The following COL5A1 variants were observed in gnomAD, a reference collection of about 807,000 sequenced individuals.
The protein encoded by COL5A1 is collagen type V alpha 1 chain.
COL5A1 carries 16 observed loss-of-function variants against 263.7 expected under a neutral mutation model. The observed-to-expected ratio is 0.06, with a 90% CI of 0.04 to 0.09. The LOEUF (loss-of-function observed/expected upper bound fraction) is 0.09, where lower values mean the gene tolerates loss of function less well. Among genes scored for constraint, COL5A1 ranks in the 10% least tolerant of loss-of-function variants. The probability of loss-of-function intolerance (pLI) is 1.00; values close to 1 mark genes in which losing one functional copy is unlikely to be tolerated. For synonymous variants in COL5A1, 1,012 were observed against 1,004.5 expected (o/e 1.01, Z -0.14); for missense variants, 2,036 against 2,540.5 (o/e 0.80, Z 4.27).
At chr9:134,781,552 C>T (rs1158324982) in intron 28 of COL5A1, among the ~76,000 whole-genome samples, 4 of 152,216 alleles carry the variant, frequency 2.6e-5, no homozygotes. Flanking sequence ...GATCTTGTCA[C>T]GTTTGTCCCT....
chr9:134,683,860 C>T (rs1001259184), intron 1 of COL5A1, among the ~76,000 whole-genome samples: 2 of 152,220 alleles, frequency 1.3e-5, no homozygotes, highest in African/African-American at 4.8e-5. Context: ...AAGACCCGTT[C>T]CCCACTGGGG....
In COL5A1 at chr9:134,641,959, G is replaced by A. The variant is rs1021410122; in HGVS notation, c.-229G>A. On this transcript the variant is annotated 5_prime_UTR_variant, in exon 1 of 66. Coordinates refer to ENST00000371817, the MANE Select transcript of COL5A1 (RefSeq NM_000093.5). ...GGCGAGCTAGCCCAGCGGGGTCCCGGCCGCCCCGCGGGCCAAAGTCGAGCC... is the reference window on the plus strand; with the variant it reads ...GGCGAGCTAGCCCAGCGGGGTCCCGACCGCCCCGCGGGCCAAAGTCGAGCC... 1 of 394,804 alleles carries A rather than the reference G, an allele frequency of 2.5e-6. No individual in the cohort carries two copies. Among genetic ancestry groups the A allele is most frequent in the Non-Finnish European group, 4.4e-6 (1 of 224,780 alleles). 24.5% of individuals were successfully genotyped at this position (394,804 alleles called of 1,614,324 possible). A position where few individuals can be genotyped will look rare whatever the true frequency, so the allele number is the denominator to read the frequency against.
chr9:134,694,388 C>T (rs1274852012), intron 2 of COL5A1, among the ~76,000 whole-genome samples: 2 of 152,232 alleles, frequency 1.3e-5, no homozygotes, highest in African/African-American at 4.8e-5. Context: ...CACGAACTGG[C>T]AGAGTGATCT....
At chr9:134,828,375 C>T (rs1053828396) in intron 63 of COL5A1, among the ~76,000 whole-genome samples, 3 of 152,110 alleles carry the variant, frequency 2.0e-5, no homozygotes, top group African/African-American at 7.3e-5. Context: ...GCACATGATC[C>T]AGGCAGGCAG....
intron 50 of COL5A1, 68 bp downstream of exon 50, chr9:134,814,972 A>G (rs1838686051): frequency 8.8e-7 from 1 of 1,134,324 alleles, no homozygotes; most frequent in Non-Finnish European, 1.3e-6. Flanking sequence ...GATCATTCTG[A>G]CTCACTGGCG....
At chr9:134,698,692 G>C (rs910890768) in intron 2 of COL5A1, among the ~76,000 whole-genome samples, 1 of 152,234 alleles carries the variant, frequency 6.6e-6, no homozygotes, top group African/African-American at 2.4e-5. Flanking sequence ...CCACAATTTC[G>C]CCAGCAGAGG....
At chr9:134,657,131 C>T (rs180729243) in intron 1 of COL5A1, among the ~76,000 whole-genome samples, 35 of 258 alleles carry the variant, frequency 0.14, no homozygotes, top group South Asian at 0.25. Context: ...AATATGGGGG[C>T]AGGGTAGGGG....
At chr9:134,792,197 G>T (rs1291463043) in intron 32 of COL5A1, among the ~76,000 whole-genome samples, 1 of 152,212 alleles carries the variant, frequency 6.6e-6, no homozygotes, top group Non-Finnish European at 1.5e-5. Context: ...TGCTTTGGGG[G>T]AAGCTCTTTA....
At chr9:134,788,858 G>A (rs1326906363) in intron 31 of COL5A1, among the ~76,000 whole-genome samples, 2 of 125,802 alleles carry the variant, frequency 1.6e-5, no homozygotes, top group African/African-American at 6.0e-5. Context: ...ATGAGTGGGA[G>A]GATAGGTAGA....
chr9:134,661,031 G>A (rs533638167), intron 1 of COL5A1, among the ~76,000 whole-genome samples: 8 of 152,152 alleles, frequency 5.3e-5, no homozygotes, highest in African/African-American at 1.9e-4. Context: ...TTTAGGGGAG[G>A]ATGGAAGGTA....
At chr9:134,778,235 A>G (rs1837121254) in intron 27 of COL5A1, among the ~76,000 whole-genome samples, 1 of 152,218 alleles carries the variant, frequency 6.6e-6, no homozygotes, top group Admixed American at 6.5e-5. Flanking sequence ...CTGCTAGGAA[A>G]AAAACACCAC....
intron 19 of COL5A1, among the ~76,000 whole-genome samples, 176 bp from the exon 20 acceptor site, chr9:134,763,517 C>T (rs748570361): frequency 2.6e-5 from 4 of 152,242 alleles, no homozygotes; most frequent in Non-Finnish European, 4.4e-5. Context: ...GTCTGCACAC[C>T]TAGCAGCTTG....
chr9:134,708,937 G>A (rs1833938949), intron 4 of COL5A1: 1 of 456,496 alleles, frequency 2.2e-6, no homozygotes, highest in African/African-American at 2.0e-5. Context: ...CGTCGCCCCA[G>A]CTTCTGCCTC....
In COL5A1 at chr9:134,758,167, C is replaced by G. The variant is rs369399258; in HGVS notation, c.1882-76C>G. 1.5e-4 allele frequency: 225 copies of G among 1,495,444 alleles called. 1 individual carries two copies. The East Asian group carries it at 3.5e-3, about 23-fold the overall frequency. 92.6% of individuals were successfully genotyped at this position (1,495,444 alleles called of 1,614,324 possible). On this transcript the variant is annotated intron_variant, in intron 17 of 65. Coordinates refer to ENST00000371817, the MANE Select transcript of COL5A1 (RefSeq NM_000093.5). The surrounding 1 kb of genome is among the most constrained non-coding windows in gnomAD (Gnocchi z 4.1). ...ACGTGGTCCAAGGCGGGGCGGCCAT[C>G]ACTTGGTGGACACCAAGGCGGGGTG...
chr9:134,723,193 GCCAA>G (rs2132624535), intron 4 of COL5A1, among the ~76,000 whole-genome samples: 1 of 152,296 alleles, frequency 6.6e-6, no homozygotes, highest in African/African-American at 2.4e-5. Flanking sequence ...CCCGACGACC[GCCAA>G]CCCTCAGCTG....
intron 4 of COL5A1, among the ~76,000 whole-genome samples, chr9:134,703,316 T>TC (rs1381468895): frequency 6.6e-6 from 1 of 152,156 alleles, no homozygotes; most frequent in African/African-American, 2.4e-5. Context: ...ACAGGAGCCG[T>TC]CCTCAGCCAG....
rs753387175 is a variant in COL5A1 at position 134,755,433 on chromosome 9, G to A, written c.1827+1107G>A. 7.2e-5 allele frequency among the ~76,000 whole-genome samples: 11 copies of A among 152,198 alleles called. No individual in the cohort carries two copies. The highest frequency in any genetic ancestry group is 1.2e-4 in the African/African-American group (5 of 41,454). ...CATGGTGTCGGGGCCATGCATATGCGTGTGTTTTAAGGCATTAAGTATGCC... is the reference window on the plus strand; with the variant it reads ...CATGGTGTCGGGGCCATGCATATGCATGTGTTTTAAGGCATTAAGTATGCC... On this transcript the variant is annotated intron_variant, in intron 16 of 65. Coordinates refer to ENST00000371817, the MANE Select transcript of COL5A1 (RefSeq NM_000093.5). The surrounding 1 kb of genome is among the most constrained non-coding windows in gnomAD (Gnocchi z 4.1).
In COL5A1 at chr9:134,805,151, G is replaced by T. The variant is rs1838251693; in HGVS notation, c.3205-10G>T. 6.2e-7 allele frequency: 1 copy of T among 1,614,008 alleles called. No individual in the cohort carries two copies. The highest frequency in any genetic ancestry group is 1.7e-5 in the Admixed American group (1 of 60,028). On this transcript the variant is annotated splice_polypyrimidine_tract_variant and intron_variant, in intron 40 of 65. Transcript: ENST00000371817. ...ACGTGCCCTTGACCAACCTTTTCAT[G>T]GCTTTGCAGGGAGCTCTTGGACTGA...
rs959893098 is a variant in COL5A1, at chr9:134,682,272, C to T, written c.110-8640C>T. Among the ~76,000 whole-genome samples, 1 of 152,172 alleles carries T rather than the reference C, an allele frequency of 6.6e-6. No individual in the cohort carries two copies. Among genetic ancestry groups the T allele is most frequent in the Non-Finnish European group, 1.5e-5 (1 of 68,020 alleles). ...CCAGGGACCCAGCCTAGTGCCTCGC[C>T]TTCCCCCAGCCATGCTGCCTGGAGG... On this transcript the variant is annotated intron_variant, in intron 1 of 65. Transcript: ENST00000371817. The surrounding 1 kb of genome is among the most constrained non-coding windows in gnomAD (Gnocchi z 5.1).
Sources: allele counts gnomAD v4.1 joint callset (sites outside exome capture counted in the v4.1 genomes callset), GRCh38; gene constraint gnomAD v4.1.1; non-coding constraint Gnocchi (gnomAD v3.1); transcripts MANE v1.5; gene names NCBI Gene and HGNC (gene_info 2026-07-23, HGNC 2026-07-21).